Variants in PPM1B observed in about 807,000 individuals in gnomAD.
PPM1B encodes protein phosphatase, Mg2+/Mn2+ dependent 1B.
In PPM1B, 22 loss-of-function variants were observed where a neutral mutation model predicts 43.0. The ratio of observed to expected loss-of-function variants is 0.51; its 90% CI spans 0.37 to 0.73. The LOEUF is 0.73. Ranked by LOEUF, PPM1B falls within the 30% of genes least tolerant of loss-of-function variation. The pLI is 0.00. For synonymous variants in PPM1B, 217 were observed against 197.9 expected (o/e 1.10, Z -0.81); for missense variants, 632 against 584.2 (o/e 1.08, Z -0.84).
At chr2:44,226,148 T>C (rs921413803) in intron 5 of PPM1B, among the ~76,000 whole-genome samples, 1 of 152,046 alleles carries the variant, frequency 6.6e-6, no homozygotes, top group African/African-American at 2.4e-5. Context: ...GCTAACTTTT[T>C]GTATTTTTAG....
chr2:44,218,021 G>A lies in PPM1B; in HGVS notation c.1019G>A (p.Arg340His), dbSNP rs1426387213. ...ATGCCTGATCTTGCCCATGTCATGC[G>A]CATCTTGTCTGCAGAAAATATCCCA... Reference protein sequence around the residue: ...EGMPDLAHVMRILSAENIPNL... With the variant: ...EGMPDLAHVMHILSAENIPNL... Residue 340 changes from arginine (R) to histidine (H), a missense_variant, in exon 4 of 6, where the codon CGC becomes CAC. Physicochemically the swap from Arg to His is conservative, Grantham distance 29. This residue lies in a region of PPM1B where 392 missense variants were observed against 302.7 expected (regional missense o/e 1.29). Transcript: ENST00000282412. 5.0e-6 allele frequency: 8 copies of A among 1,612,304 alleles called. No individual in the cohort carries two copies. Among genetic ancestry groups the A allele is most frequent in the Non-Finnish European group, 5.9e-6 (7 of 1,179,522 alleles).
chr2:44,234,249 A>G (rs1014248533), downstream of PPM1B: 3 of 970,766 alleles, frequency 3.1e-6, no homozygotes, highest in Non-Finnish European at 3.7e-6. Context: ...GGCCGGGTGC[A>G]TTGGCTCACA....
downstream of PPM1B, among the ~76,000 whole-genome samples, chr2:44,245,764 T>G (rs1247622745): frequency 6.6e-6 from 1 of 152,202 alleles, no homozygotes; most frequent in Non-Finnish European, 1.5e-5. Context: ...ACACTGCCTG[T>G]AACCAAATTG....
At chr2:44,173,718 G>A (rs1335766092) in intron 1 of PPM1B, among the ~76,000 whole-genome samples, 1 of 152,164 alleles carries the variant, frequency 6.6e-6, no homozygotes, top group Non-Finnish European at 1.5e-5. Context: ...CGAGGTTGGT[G>A]AATCACTTGA....
At chr2:44,228,764 A>G (rs1034109777) in intron 5 of PPM1B, among the ~76,000 whole-genome samples, 2 of 151,668 alleles carry the variant, frequency 1.3e-5, no homozygotes, top group African/African-American at 4.8e-5. Flanking sequence ...ACATTTTGCC[A>G]TAGTTGCTTT....
chr2:44,215,998 A>C (rs1669701478), intron 3 of PPM1B, among the ~76,000 whole-genome samples: 1 of 152,204 alleles, frequency 6.6e-6, no homozygotes, highest in Non-Finnish European at 1.5e-5. Context: ...AGAATAAGCC[A>C]GTAGAAAACT....
intron 1 of PPM1B, among the ~76,000 whole-genome samples, chr2:44,195,442 C>T (rs1209723808): frequency 6.6e-6 from 1 of 152,198 alleles, no homozygotes; most frequent in East Asian, 1.9e-4. Flanking sequence ...AACTCCTGGC[C>T]TCCAGTGATC....
chr2:44,207,593 TGA>T (rs1021626985), intron 2 of PPM1B, among the ~76,000 whole-genome samples: 1 of 151,812 alleles, frequency 6.6e-6, no homozygotes, highest in Non-Finnish European at 1.5e-5. Flanking sequence ...TTTTTTTTTT[TGA>T]GAGAGAGTCT....
At chr2:44,176,498 TC>T (rs1458719138) in intron 1 of PPM1B, among the ~76,000 whole-genome samples, 1 of 152,176 alleles carries the variant, frequency 6.6e-6, no homozygotes, top group Non-Finnish European at 1.5e-5. Flanking sequence ...TGCTTCTCCT[TC>T]CATAGCTTTG....
At chr2:44,204,088 T>TG (rs1669061619) in intron 2 of PPM1B, among the ~76,000 whole-genome samples, 2 of 152,214 alleles carry the variant, frequency 1.3e-5, no homozygotes, top group African/African-American at 4.8e-5. Context: ...TAATGGAAGC[T>TG]GACCATCATA....
chr2:44,181,791 A>C (rs976012582), intron 1 of PPM1B, among the ~76,000 whole-genome samples: 2 of 152,202 alleles, frequency 1.3e-5, no homozygotes, highest in Non-Finnish European at 2.9e-5. Context: ...CTTTGTGTTT[A>C]AAATCTAGAC....
chr2:44,197,191 G>T (rs1002523582), intron 1 of PPM1B, among the ~76,000 whole-genome samples: 1 of 152,010 alleles, frequency 6.6e-6, no homozygotes, highest in African/African-American at 2.4e-5. Flanking sequence ...TATAATCAGG[G>T]CTCACTGCAG....
intron 1 of PPM1B, among the ~76,000 whole-genome samples, chr2:44,175,893 C>T (rs1667560708): frequency 6.6e-6 from 1 of 150,574 alleles, no homozygotes; most frequent in Admixed American, 6.7e-5. Flanking sequence ...TCAGACAATT[C>T]TCCTGCCTCA....
rs985253342 is a variant in PPM1B at position 44,231,273 on chromosome 2, T to G, written c.*555T>G. On this transcript the variant is annotated 3_prime_UTR_variant, in exon 6 of 6. Coordinates refer to ENST00000282412, the MANE Select transcript of PPM1B (RefSeq NM_002706.6). Reference sequence around the variant, plus strand: ...TTTTATTTTTAGAAGTTGTGAGATATTGGATGTGTGGCTATTTTTCCTTTC... The same window carrying G: ...TTTTATTTTTAGAAGTTGTGAGATAGTGGATGTGTGGCTATTTTTCCTTTC... The G allele has an allele frequency of 5.1e-6, 5 of 977,768 alleles. No individual in the cohort carries two copies. The highest frequency in any genetic ancestry group is 6.1e-6 in the Non-Finnish European group (5 of 823,032). 60.6% of individuals were successfully genotyped at this position (977,768 alleles called of 1,614,324 possible).
Position 44,231,176 on chromosome 2 carries a change from G to A in PPM1B, c.*458G>A, listed in dbSNP as rs2104278597. On this transcript the variant is annotated 3_prime_UTR_variant, in exon 6 of 6. Transcript: ENST00000282412. ...AGTTCTTCAAAGAATGGCTGATGCT[G>A]GCCTGTAATTTTTCTTTCAAGGATG... is the stretch of plus-strand genomic sequence containing the variant. The A allele has an allele frequency of 2.0e-6, 2 of 983,194 alleles. No individual in the cohort carries two copies. Among genetic ancestry groups the A allele is most frequent in the Non-Finnish European group, 1.2e-6 (1 of 827,990 alleles). The allele number at this position is 983,194 out of a possible 1,614,324, so 60.9% of individuals were successfully genotyped here.
chr2:44,239,388 G>C (rs1244001088), downstream of PPM1B, among the ~76,000 whole-genome samples: 1 of 151,846 alleles, frequency 6.6e-6, no homozygotes, highest in Non-Finnish European at 1.5e-5. Context: ...ATATAGTCTA[G>C]ATACCAATCC....
chr2:44,184,337 G>A (rs1314812858), intron 1 of PPM1B, among the ~76,000 whole-genome samples: 3 of 152,074 alleles, frequency 2.0e-5, no homozygotes, highest in African/African-American at 7.2e-5. Context: ...GTTGTCAGGG[G>A]TACCACACTG....
At position 44,187,690 on chromosome 2, in the gene PPM1B, C is replaced by G. The variant is rs116632103; in HGVS notation, c.-14-13496C>G. ...TGTTTCTTTGATAATTTCATTTCTT[C>G]TCAATTTCTGGAATATTTGGTCCAG... On this transcript the variant is annotated intron_variant, in intron 1 of 5. Coordinates refer to ENST00000282412, the MANE Select transcript of PPM1B (RefSeq NM_002706.6). 3.7e-3 allele frequency among the ~76,000 whole-genome samples: 568 copies of G among 152,262 alleles called. 3 individuals are homozygous for G. The highest frequency in any genetic ancestry group is 0.013 in the African/African-American group (550 of 41,548).
intron 2 of PPM1B, among the ~76,000 whole-genome samples, chr2:44,207,228 G>T (rs1340208642): frequency 6.6e-6 from 1 of 152,156 alleles, no homozygotes; most frequent in African/African-American, 2.4e-5. Context: ...TGTCTTTTGG[G>T]CTGTGTCATG....
Sources: allele counts gnomAD v4.1 joint callset (sites outside exome capture counted in the v4.1 genomes callset), GRCh38; gene constraint gnomAD v4.1.1; regional missense constraint gnomAD v4.1.1; transcripts MANE v1.5; gene names NCBI Gene and HGNC (gene_info 2026-07-23, HGNC 2026-07-21).